CEP89: variants seen among roughly 807,000 people sequenced by gnomAD.
CEP89 encodes centrosomal protein 89, also known as centrosomal protein of 89 kDa.
Under a neutral mutation model 97.6 loss-of-function variants are expected in CEP89, and 95 were observed. That is an observed-to-expected ratio of 0.97 (90% CI 0.82 to 1.15). The LOEUF (loss-of-function observed/expected upper bound fraction) is 1.15. Ranked by LOEUF, CEP89 falls within the 50% of genes most tolerant of loss-of-function variation. The probability of loss-of-function intolerance (pLI) is 0.00; values close to 1 mark genes in which losing one functional copy is unlikely to be tolerated. For missense variants in CEP89, 869 were observed against 947.7 expected (o/e 0.92, Z 1.09); for synonymous variants, 354 against 349.1 (o/e 1.01, Z -0.16).
chr19:32,913,096 A>G (rs1030735509), intron 14 of CEP89, among the ~76,000 whole-genome samples: 5 of 147,914 alleles, frequency 3.4e-5, no homozygotes, highest in Non-Finnish European at 7.5e-5. Flanking sequence ...AATAATAAAA[A>G]ATATAAATAT....
chr19:32,955,343 T>G (rs1971023956), intron 3 of CEP89, among the ~76,000 whole-genome samples: 1 of 152,116 alleles, frequency 6.6e-6, no homozygotes, highest in Non-Finnish European at 1.5e-5. Flanking sequence ...AAGGTAGGAA[T>G]CCACTAGATA....
At chr19:32,921,632 C>T (rs1389426082) in intron 12 of CEP89, among the ~76,000 whole-genome samples, 8 of 152,310 alleles carry the variant, frequency 5.3e-5, no homozygotes, top group Non-Finnish European at 1.0e-4. Context: ...TGGCTGTATA[C>T]AATGCTAGGG....
At chr19:32,960,951 T>G (rs1321288604) in intron 2 of CEP89, among the ~76,000 whole-genome samples, 1 of 151,924 alleles carries the variant, frequency 6.6e-6, no homozygotes, top group Non-Finnish European at 1.5e-5. Context: ...TGAGAGAATG[T>G]GTAGGATAGA....
chr19:32,894,288 C>A (rs1005657445), intron 16 of CEP89, among the ~76,000 whole-genome samples: 1 of 152,186 alleles, frequency 6.6e-6, no homozygotes, highest in African/African-American at 2.4e-5. Flanking sequence ...ATGCTCCTTT[C>A]TCAGTGGGCT....
intron 16 of CEP89, among the ~76,000 whole-genome samples, chr19:32,892,113 C>T (rs1406363798): frequency 7.0e-6 from 1 of 142,912 alleles, no homozygotes; most frequent in Admixed American, 7.0e-5. Context: ...TATATTTAGA[C>T]ATACATATAT....
intron 16 of CEP89, among the ~76,000 whole-genome samples, chr19:32,895,646 G>C (rs1167881180): frequency 6.6e-6 from 1 of 151,568 alleles, no homozygotes; most frequent in Non-Finnish European, 1.5e-5. Flanking sequence ...AGAAATAAAA[G>C]TCATCCAAAT....
chr19:32,912,769 G>A (rs1026541330), intron 14 of CEP89, among the ~76,000 whole-genome samples: 18 of 152,076 alleles, frequency 1.2e-4, no homozygotes, highest in East Asian at 3.9e-4. Flanking sequence ...ATGGCCGGGC[G>A]CGGTGGCTCA....
intron 14 of CEP89, among the ~76,000 whole-genome samples, chr19:32,901,786 G>C (rs1376194462): frequency 6.6e-6 from 1 of 152,020 alleles, no homozygotes; most frequent in African/African-American, 2.4e-5. Flanking sequence ...CATGATACCT[G>C]GCTAATTTTT....
intron 4 of CEP89, among the ~76,000 whole-genome samples, chr19:32,952,107 G>A (rs1261046780): frequency 6.6e-6 from 1 of 152,162 alleles, no homozygotes; most frequent in Non-Finnish European, 1.5e-5. Context: ...GTGAAAGTCT[G>A]TATATGTGGG....
At chr19:32,885,828 G>T (rs1969383298) in intron 17 of CEP89, among the ~76,000 whole-genome samples, 1 of 152,074 alleles carries the variant, frequency 6.6e-6, no homozygotes, top group African/African-American at 2.4e-5. Flanking sequence ...CAGTCTCTTA[G>T]ATCTCCATCA....
intron 9 of CEP89, among the ~76,000 whole-genome samples, chr19:32,927,648 G>A (rs34923997): frequency 0.2 from 30,169 of 151,492 alleles, 3,065 homozygotes; most frequent in African/African-American, 0.24. Flanking sequence ...TCCATCACCC[G>A]GGCTGGAGTG....
chr19:32,901,674 C>T (rs1016908010), intron 14 of CEP89, among the ~76,000 whole-genome samples: 1 of 152,068 alleles, frequency 6.6e-6, no homozygotes, highest in South Asian at 2.1e-4. Context: ...GTTGCCCAGG[C>T]TGGAGTGCAG....
At chr19:32,879,602 G>A (rs912253969) in intron 18 of CEP89, among the ~76,000 whole-genome samples, 4 of 152,158 alleles carry the variant, frequency 2.6e-5, no homozygotes, top group Middle Eastern at 3.4e-3. Flanking sequence ...GGAATGAAGC[G>A]GCCAGTGCCC....
At position 32,945,133 on chromosome 19, in the gene CEP89, A is replaced by C. The variant is rs191605604; in HGVS notation, c.595+3133T>G. ...AACCCTGTCTCTACTAAAAATACAA[A>C]ATTAGCCAGGTGTGGTGGTGCATGC... On this transcript the variant is annotated intron_variant, in intron 5 of 18. Transcript: ENST00000305768. 3.7e-3 allele frequency among the ~76,000 whole-genome samples: 557 copies of C among 152,052 alleles called. 3 individuals carry two copies. The highest frequency in any genetic ancestry group is 0.013 in the African/African-American group (520 of 41,496).
chr19:32,880,932 A>C (rs1364733481), intron 18 of CEP89, among the ~76,000 whole-genome samples: 1 of 152,158 alleles, frequency 6.6e-6, no homozygotes, highest in African/African-American at 2.4e-5. Context: ...TACTAGAGGC[A>C]CTGTGAAGGT....
At chr19:32,948,393 G>T (rs1389830796) in intron 4 of CEP89, 25 bp from the exon 5 acceptor site, 3 of 1,450,666 alleles carry the variant, frequency 2.1e-6, no homozygotes, top group Non-Finnish European at 2.9e-6. Flanking sequence ...AGACAAAGGA[G>T]CAAAAAAGTG....
chr19:32,921,698 G>A (rs1414036888), intron 12 of CEP89, among the ~76,000 whole-genome samples: 3 of 152,170 alleles, frequency 2.0e-5, no homozygotes. Flanking sequence ...GCCTGGCTAA[G>A]CTGCTTTCCA....
intron 14 of CEP89, among the ~76,000 whole-genome samples, chr19:32,905,913 T>A (rs1969878149): frequency 6.6e-6 from 1 of 152,116 alleles, no homozygotes; most frequent in Admixed American, 6.5e-5. Flanking sequence ...AGAGACAAGG[T>A]CTCCCTATGT....
Position 32,926,951 on chromosome 19 carries a change from G to A in CEP89, c.1063C>T (p.Pro355Ser), listed in dbSNP as rs1240341378. 10 of 1,613,752 alleles carry A rather than the reference G, an allele frequency of 6.2e-6. No individual in the cohort carries two copies. The highest frequency in any genetic ancestry group is 8.5e-6 in the Non-Finnish European group (10 of 1,179,718). Reference sequence around the variant, plus strand: ...TCACTTACCAACCAGGGTGGTATAGGGCCCTTGGATGGGAGGCCTTCAATA... The same window carrying A: ...TCACTTACCAACCAGGGTGGTATAGAGCCCTTGGATGGGAGGCCTTCAATA... ...LNIEGLPSKG[P>S]IPPWLLDIKY... Residue 355 changes from proline (P) to serine (S), a missense_variant, in exon 10 of 19, where the codon CCT (proline) becomes TCT (serine). Physicochemically the swap from Pro to Ser is moderately conservative, Grantham distance 74 (BLOSUM62 -1). Coordinates refer to ENST00000305768, the MANE Select transcript of CEP89 (RefSeq NM_032816.5).
Sources: allele counts gnomAD v4.1 joint callset (sites outside exome capture counted in the v4.1 genomes callset), GRCh38; gene constraint gnomAD v4.1.1; transcripts MANE v1.5; gene names NCBI Gene and HGNC (gene_info 2026-07-23, HGNC 2026-07-21).